The following SUGCT variants were observed in gnomAD, a reference collection of about 807,000 sequenced individuals.
The protein encoded by SUGCT is succinyl-CoA:glutarate-CoA transferase, also known as succinyl-CoA:glutarate CoA-transferase.
In SUGCT, 41 loss-of-function variants were observed where a neutral mutation model predicts 55.0. The observed-to-expected ratio is 0.74, with a 90% CI of 0.58 to 0.97. The LOEUF (loss-of-function observed/expected upper bound fraction) is 0.97, where lower values mean the gene tolerates loss of function less well. Ranked by LOEUF, SUGCT falls within the 50% of genes least tolerant of loss-of-function variation. The pLI, the probability that SUGCT is intolerant of heterozygous loss-of-function variation, is 0.00. For synonymous variants in SUGCT, 187 were observed against 200.4 expected, an observed-to-expected ratio of 0.93 and a Z score of 0.56; for missense variants, 568 against 547.8, an observed-to-expected ratio of 1.04 and a Z score of -0.37.
chr7:40,645,636 A>G (rs1027965941), intron 12 of SUGCT, among the ~76,000 whole-genome samples: 1 of 152,202 alleles, frequency 6.6e-6, no homozygotes, highest in African/African-American at 2.4e-5. Context: ...CTGGTCCAGT[A>G]TAGACTGGAT....
At chr7:40,773,394 G>A (rs1053334967) in intron 13 of SUGCT, among the ~76,000 whole-genome samples, 5 of 152,088 alleles carry the variant, frequency 3.3e-5, no homozygotes, top group African/African-American at 1.2e-4. Context: ...CTCCCAAAAT[G>A]CTGTGATTAC....
At chr7:40,228,298 C>T (rs149908582) in intron 6 of SUGCT, among the ~76,000 whole-genome samples, 10 of 152,024 alleles carry the variant, frequency 6.6e-5, no homozygotes, top group South Asian at 2.1e-4. Flanking sequence ...AATTGGGATC[C>T]GAATAAAGTA....
At chr7:40,704,164 C>T (rs989086133) in intron 12 of SUGCT, among the ~76,000 whole-genome samples, 9 of 152,228 alleles carry the variant, frequency 5.9e-5, no homozygotes, top group Non-Finnish European at 1.3e-4. Context: ...TGGAAACTTG[C>T]AGCCTTGGCT....
intron 12 of SUGCT, among the ~76,000 whole-genome samples, chr7:40,644,293 T>C (rs1266108060): frequency 6.6e-6 from 1 of 152,190 alleles, no homozygotes; most frequent in Non-Finnish European, 1.5e-5. Flanking sequence ...GCCTTCCATG[T>C]CCAGATTAAG....
chr7:40,173,886 A>G (rs931311227), intron 1 of SUGCT, among the ~76,000 whole-genome samples: 20 of 147,830 alleles, frequency 1.4e-4, no homozygotes, highest in African/African-American at 4.0e-4. Context: ...TATTTGTATA[A>G]CATAATTTAT....
rs574309533 is a variant in SUGCT, at chr7:40,849,638, G to A, written c.1154-10678G>A. Among the ~76,000 whole-genome samples, 245 of 152,250 alleles carry A rather than the reference G, an allele frequency of 1.6e-3. No individual in the cohort carries two copies. The Middle Eastern group carries it at 0.017, about 11-fold the overall frequency. Reference sequence around the variant, plus strand: ...CTGTATATAGCTAGAGTAGCTTGGGGTGTTTGCATAGATTGGTTAGATTTC... The same window carrying A: ...CTGTATATAGCTAGAGTAGCTTGGGATGTTTGCATAGATTGGTTAGATTTC... On this transcript the variant is annotated intron_variant, in intron 13 of 13. Transcript: ENST00000335693.
At chr7:40,584,854 C>T (rs896189967) in intron 12 of SUGCT, among the ~76,000 whole-genome samples, 1 of 152,192 alleles carries the variant, frequency 6.6e-6, no homozygotes, top group Non-Finnish European at 1.5e-5. Context: ...ACTCTGACTT[C>T]CCAGGGTATC....
At chr7:40,487,640 A>C (rs1791455608) in intron 11 of SUGCT, among the ~76,000 whole-genome samples, 1 of 151,936 alleles carries the variant, frequency 6.6e-6, no homozygotes, top group African/African-American at 2.4e-5. Flanking sequence ...TATTGCCGTT[A>C]ATCTCTCCTT....
chr7:40,430,525 T>C (rs79654184), intron 9 of SUGCT, among the ~76,000 whole-genome samples: 3,403 of 152,300 alleles, frequency 0.022, 119 homozygotes, highest in African/African-American at 0.078. Context: ...TTTTCCATTA[T>C]TGAGTTGCGT....
chr7:40,868,153 C>T, the SUGCT span, among the ~76,000 whole-genome samples: 4 of 152,116 alleles, frequency 2.6e-5, no homozygotes, highest in Non-Finnish European at 4.4e-5. Context: ...TTTTATTTCT[C>T]CTCCCCTTGA....
At chr7:40,506,408 G>A (rs1445058684) in intron 12 of SUGCT, among the ~76,000 whole-genome samples, 1 of 151,500 alleles carries the variant, frequency 6.6e-6, no homozygotes, top group East Asian at 1.9e-4. Flanking sequence ...TTTTTATTTT[G>A]CTCCTCTGTT....
At chr7:40,742,150 T>A (rs1006226251) in intron 12 of SUGCT, among the ~76,000 whole-genome samples, 2 of 152,226 alleles carry the variant, frequency 1.3e-5, no homozygotes, top group African/African-American at 4.8e-5. Flanking sequence ...ATTATATATG[T>A]GTTTGTGTAA....
the SUGCT span, among the ~76,000 whole-genome samples, chr7:40,943,729 G>A: frequency 5.3e-5 from 8 of 151,570 alleles, no homozygotes; most frequent in Non-Finnish European, 4.4e-5. Flanking sequence ...GAATAGTGCC[G>A]CAATAAACAT....
At chr7:40,177,444 G>T (rs1214596861) in intron 1 of SUGCT, among the ~76,000 whole-genome samples, 1 of 150,136 alleles carries the variant, frequency 6.7e-6, no homozygotes. Flanking sequence ...GTGGGGAGGG[G>T]TTGTCCGATT....
chr7:40,924,258 T>C, the SUGCT span, among the ~76,000 whole-genome samples: 1 of 99,314 alleles, frequency 1.0e-5, no homozygotes, highest in Non-Finnish European at 2.0e-5. Context: ...CCTGGATCTT[T>C]CAATTACGTG....
At chr7:40,595,630 T>C (rs1797973314) in intron 12 of SUGCT, among the ~76,000 whole-genome samples, 2 of 149,844 alleles carry the variant, frequency 1.3e-5, no homozygotes, top group African/African-American at 4.9e-5. Flanking sequence ...TTTTCTTTTC[T>C]TTTTCATGCC....
At chr7:40,879,915 T>G in the SUGCT span, among the ~76,000 whole-genome samples, 1 of 152,148 alleles carries the variant, frequency 6.6e-6, no homozygotes, top group Admixed American at 6.5e-5. Flanking sequence ...GGACATGGCA[T>G]AGTCTCTGCT....
intron 1 of SUGCT, among the ~76,000 whole-genome samples, chr7:40,141,143 T>C (rs762560529): frequency 1.3e-5 from 2 of 152,010 alleles, no homozygotes; most frequent in Non-Finnish European, 2.9e-5. Flanking sequence ...CGTCCTCGGG[T>C]AGAACATTAT....
At chr7:40,407,286 A>G (rs1786424577) in intron 9 of SUGCT, among the ~76,000 whole-genome samples, 1 of 152,054 alleles carries the variant, frequency 6.6e-6, no homozygotes, top group South Asian at 2.1e-4. Flanking sequence ...TAGCTGTGTG[A>G]TATTCCAAAA....
Sources: allele counts gnomAD v4.1 joint callset (sites outside exome capture counted in the v4.1 genomes callset), GRCh38; gene constraint gnomAD v4.1.1; transcripts MANE v1.5; gene names NCBI Gene and HGNC (gene_info 2026-07-23, HGNC 2026-07-21).